The following DPH6 variants were observed in gnomAD, a reference collection of about 807,000 sequenced individuals.
DPH6 encodes diphthamine biosynthesis 6.
Under a neutral mutation model 38.2 loss-of-function variants are expected in DPH6, and 33 were observed. The observed-to-expected ratio is 0.86, with a 90% confidence interval of 0.65 to 1.15. The LOEUF is 1.15. DPH6 is among the 50% of genes most tolerant of loss of function. The probability of loss-of-function intolerance (pLI) is 0.00; values close to 1 mark genes in which losing one functional copy is unlikely to be tolerated. For synonymous variants in DPH6, 108 were observed against 103.0 expected (o/e 1.05, Z -0.30); for missense variants, 325 against 320.0 (o/e 1.02, Z -0.12).
intron 3 of DPH6, among the ~76,000 whole-genome samples, chr15:35,493,875 T>C (rs1566930231): frequency 6.6e-6 from 1 of 152,150 alleles, no homozygotes; most frequent in Non-Finnish European, 1.5e-5. Context: ...CCTGCTGTAT[T>C]TTTTGAGTCT....
chr15:35,401,402 GT>G, intron 6 of DPH6: 2 of 760,124 alleles, frequency 2.6e-6, no homozygotes, highest in South Asian at 2.7e-5. Context: ...GGTAATGATG[GT>G]GGTTATGGAG....
At chr15:35,510,539 T>C (rs1333873751) in intron 3 of DPH6, among the ~76,000 whole-genome samples, 1 of 152,228 alleles carries the variant, frequency 6.6e-6, no homozygotes, top group East Asian at 1.9e-4. Flanking sequence ...ATGATTCTTC[T>C]AGTGGTAACC....
At chr15:35,538,619 A>G in intron 2 of DPH6, 152 bp from the exon 3 acceptor site, 1 of 633,980 alleles carries the variant, frequency 1.6e-6, no homozygotes, top group Non-Finnish European at 2.4e-6. Flanking sequence ...TAAAATAAAA[A>G]CATAAGAATT....
chr15:35,434,842 C>T (rs1247559771), intron 5 of DPH6, among the ~76,000 whole-genome samples: 2 of 152,144 alleles, frequency 1.3e-5, no homozygotes, highest in Non-Finnish European at 2.9e-5. Flanking sequence ...GGCATGACCT[C>T]AGCTCACTGC....
At chr15:35,349,280 T>C (rs1437255194) in intron 3 of DPH6, among the ~76,000 whole-genome samples, 1 of 152,162 alleles carries the variant, frequency 6.6e-6, no homozygotes, top group African/African-American at 2.4e-5. Context: ...CTGAGAAAAA[T>C]AATAGCTATA....
At chr15:35,478,081 T>C (rs1300007868) in intron 3 of DPH6, among the ~76,000 whole-genome samples, 1 of 151,884 alleles carries the variant, frequency 6.6e-6, no homozygotes, top group African/African-American at 2.4e-5. Flanking sequence ...TGATTTCAAC[T>C]AAATGTGTCA....
At chr15:35,183,018 C>T in the DPH6 span, among the ~76,000 whole-genome samples, 2 of 152,114 alleles carry the variant, frequency 1.3e-5, no homozygotes, top group East Asian at 1.9e-4. Context: ...ACAGAAAGAA[C>T]TGAAACTGAG....
chr15:35,367,757 T>A (rs1348257263), downstream of DPH6, among the ~76,000 whole-genome samples: 1 of 151,804 alleles, frequency 6.6e-6, no homozygotes, highest in Admixed American at 6.6e-5. Flanking sequence ...TCATCATATG[T>A]AAAGTGAAAG....
the DPH6 span, among the ~76,000 whole-genome samples, chr15:35,195,588 T>C: frequency 6.6e-6 from 1 of 152,126 alleles, no homozygotes; most frequent in African/African-American, 2.4e-5. Context: ...ATCCAGCTTC[T>C]TAGGAGGGGT....
chr15:35,237,547 C>A, intron 3 of DPH6: 1 of 1,551,524 alleles, frequency 6.4e-7, no homozygotes. Flanking sequence ...TAAGCGATAA[C>A]AGAGTCTCGG....
chr15:35,300,559 T>G (rs2052047948), intron 3 of DPH6, among the ~76,000 whole-genome samples: 1 of 152,200 alleles, frequency 6.6e-6, no homozygotes, highest in South Asian at 2.1e-4. Flanking sequence ...AATGCCTATG[T>G]TTTTGGCTTG....
intron 3 of DPH6, among the ~76,000 whole-genome samples, chr15:35,345,424 TA>T (rs1417265543): frequency 4.0e-5 from 6 of 151,884 alleles, no homozygotes; most frequent in Non-Finnish European, 5.9e-5. Context: ...ATCTTGTCTC[TA>T]AACTCAAATG....
intron 3 of DPH6, among the ~76,000 whole-genome samples, chr15:35,227,182 T>C (rs1349039020): frequency 7.7e-6 from 1 of 129,456 alleles, no homozygotes; most frequent in Non-Finnish European, 1.6e-5. Flanking sequence ...TTCTTTTTTT[T>C]TTTTTTTTTT....
At chr15:35,328,049 T>C (rs922128362), downstream of DPH6, among the ~76,000 whole-genome samples, 7 of 152,194 alleles carry the variant, frequency 4.6e-5, no homozygotes, top group Admixed American at 4.6e-4. Context: ...AGTTCACTCA[T>C]CTTCACTGCA....
intron 3 of DPH6, among the ~76,000 whole-genome samples, chr15:35,312,817 A>G (rs750577246): frequency 1.3e-5 from 2 of 152,180 alleles, no homozygotes; most frequent in African/African-American, 2.4e-5. Flanking sequence ...TTTGTCAAAG[A>G]TAAGTTGGCT....
chr15:35,464,056 G>A (rs1156799845), intron 3 of DPH6, among the ~76,000 whole-genome samples: 1 of 152,184 alleles, frequency 6.6e-6, no homozygotes, highest in Admixed American at 6.5e-5. Flanking sequence ...AGCACTTTGG[G>A]AGGCCAAGGC....
intron 3 of DPH6, among the ~76,000 whole-genome samples, chr15:35,321,147 C>T (rs2052237420): frequency 6.6e-6 from 1 of 152,200 alleles, no homozygotes; most frequent in Non-Finnish European, 1.5e-5. Context: ...CCTTCCTAAT[C>T]TTGTGGTCTT....
At chr15:35,325,505 T>C (rs2052275204) in intron 3 of DPH6, among the ~76,000 whole-genome samples, 1 of 152,152 alleles carries the variant, frequency 6.6e-6, no homozygotes, top group Non-Finnish European at 1.5e-5. Context: ...ACAGTGCTGA[T>C]TCCATTGTAT....
intron 3 of DPH6, among the ~76,000 whole-genome samples, chr15:35,249,960 G>A (rs1017622416): frequency 6.6e-6 from 1 of 151,812 alleles, no homozygotes; most frequent in South Asian, 2.1e-4. Flanking sequence ...TCAGGAGATC[G>A]AAACCATCCT....
Sources: allele counts gnomAD v4.1 joint callset (sites outside exome capture counted in the v4.1 genomes callset), GRCh38; gene constraint gnomAD v4.1.1; transcripts MANE v1.5; gene names NCBI Gene and HGNC (gene_info 2026-07-23, HGNC 2026-07-21).